PDE12: variants seen among roughly 807,000 people sequenced by gnomAD.
PDE12 encodes the protein phosphodiesterase 12.
PDE12 carries 26 observed loss-of-function variants against 45.4 expected under a neutral mutation model. That is an observed-to-expected ratio of 0.57 (90% CI 0.42 to 0.79). PDE12 has a LOEUF of 0.79. Among genes scored for constraint, PDE12 ranks in the 30% least tolerant of loss-of-function variants. The pLI is 0.00. For synonymous variants in PDE12, 283 were observed against 323.9 expected (o/e 0.87, Z 1.36); for missense variants, 668 against 790.0 (o/e 0.85, Z 1.85).
the PDE12 span, chr3:57,597,376 T>G: frequency 8.2e-5 from 33 of 404,022 alleles, no homozygotes; most frequent in Non-Finnish European, 1.4e-4. Context: ...GCCTTTAGGC[T>G]CTGGCTGTGC....
the PDE12 span, among the ~76,000 whole-genome samples, chr3:57,606,004 T>C: frequency 1.3e-5 from 2 of 152,194 alleles, no homozygotes; most frequent in East Asian, 3.9e-4. Flanking sequence ...TGAAATAGCC[T>C]CAAGTAGCCT....
chr3:57,643,018 AAAAAG>A, the PDE12 span, among the ~76,000 whole-genome samples: 31 of 149,430 alleles, frequency 2.1e-4, no homozygotes, highest in African/African-American at 3.7e-4. Flanking sequence ...AAAAAAAAAA[AAAAAG>A]AAAGATCACT....
the PDE12 span, among the ~76,000 whole-genome samples, chr3:57,574,169 G>A: frequency 6.7e-6 from 1 of 150,032 alleles, no homozygotes; most frequent in African/African-American, 2.5e-5. Context: ...TTGAATTCCT[G>A]ACCTCATGAT....
At chr3:57,606,033 G>A in the PDE12 span, among the ~76,000 whole-genome samples, 1 of 152,146 alleles carries the variant, frequency 6.6e-6, no homozygotes. Context: ...GGTAACTGAA[G>A]TCCCTAAAAG....
chr3:57,597,304 C>A, the PDE12 span: 2 of 640,240 alleles, frequency 3.1e-6, no homozygotes, highest in South Asian at 1.9e-5. Context: ...CGATGAAGAT[C>A]CGGCACAGGA....
At chr3:57,651,699 A>G in the PDE12 span, among the ~76,000 whole-genome samples, 1 of 152,196 alleles carries the variant, frequency 6.6e-6, no homozygotes, top group Non-Finnish European at 1.5e-5. Flanking sequence ...CAAAAAAAAA[A>G]AAGATAAACC....
the PDE12 span, among the ~76,000 whole-genome samples, chr3:57,624,608 A>G: frequency 6.6e-6 from 1 of 151,712 alleles, no homozygotes; most frequent in African/African-American, 2.4e-5. Flanking sequence ...TACTAAAAAT[A>G]CAAAAATTAG....
chr3:57,558,263 C>T (rs1460530245), intron 1 of PDE12, among the ~76,000 whole-genome samples: 1 of 152,100 alleles, frequency 6.6e-6, no homozygotes, highest in Non-Finnish European at 1.5e-5. Context: ...TTAATTGACT[C>T]CACACAACAG....
the PDE12 span, chr3:57,627,333 G>A: frequency 2.0e-5 from 3 of 151,972 alleles, no homozygotes; most frequent in South Asian, 4.2e-4. Flanking sequence ...TACTAGAGAC[G>A]GGGTTTCACC....
chr3:57,631,359 G>C, the PDE12 span, among the ~76,000 whole-genome samples: 1 of 152,042 alleles, frequency 6.6e-6, no homozygotes, highest in East Asian at 1.9e-4. Context: ...ACCACGCCTG[G>C]CTAATTTTGT....
the PDE12 span, chr3:57,575,710 C>T: frequency 9.6e-6 from 15 of 1,564,868 alleles, no homozygotes; most frequent in African/African-American, 2.8e-5. Flanking sequence ...AACTACCAAC[C>T]GGAATCCAAT....
the PDE12 span, among the ~76,000 whole-genome samples, chr3:57,573,213 AAAG>A: frequency 1.4e-4 from 21 of 151,552 alleles, no homozygotes; most frequent in East Asian, 2.5e-3. Flanking sequence ...AAAAAAAAAA[AAAG>A]AAAGAAAGAA....
chr3:57,646,265 T>A, the PDE12 span: 2 of 1,579,972 alleles, frequency 1.3e-6, no homozygotes, highest in Non-Finnish European at 8.6e-7. Flanking sequence ...ACAGGTTAAG[T>A]ACTGCAGCAT....
At chr3:57,616,168 C>T in the PDE12 span, among the ~76,000 whole-genome samples, 12 of 151,752 alleles carry the variant, frequency 7.9e-5, no homozygotes, top group African/African-American at 2.7e-4. Context: ...ACAAAAAATG[C>T]AAAAAATTAG....
At chr3:57,594,712 C>G in the PDE12 span, among the ~76,000 whole-genome samples, 1 of 152,148 alleles carries the variant, frequency 6.6e-6, no homozygotes, top group Non-Finnish European at 1.5e-5. Context: ...CTCAGGAGGG[C>G]ATGAATCTTA....
the PDE12 span, chr3:57,628,958 G>C: frequency 7.4e-7 from 1 of 1,352,018 alleles, no homozygotes; most frequent in Non-Finnish European, 1.0e-6. Context: ...AATAGGTAAG[G>C]CTACTGTGAA....
chr3:57,628,378 A>G, the PDE12 span: 1 of 1,604,904 alleles, frequency 6.2e-7, no homozygotes, highest in Non-Finnish European at 8.5e-7. Context: ...CATTTAAATT[A>G]TCCTCAGAAT....
At chr3:57,579,004 G>A in the PDE12 span, among the ~76,000 whole-genome samples, 1 of 152,016 alleles carries the variant, frequency 6.6e-6, no homozygotes, top group East Asian at 1.9e-4. Flanking sequence ...ACTGATTTAT[G>A]TAAGTAACGA....
the PDE12 span, among the ~76,000 whole-genome samples, chr3:57,574,194 C>A: frequency 6.6e-6 from 1 of 152,130 alleles, no homozygotes. Context: ...CCACCTCAGC[C>A]TCCTAAAGTG....
Sources: allele counts gnomAD v4.1 joint callset (sites outside exome capture counted in the v4.1 genomes callset), GRCh38; gene constraint gnomAD v4.1.1; transcripts MANE v1.5; gene names NCBI Gene and HGNC (gene_info 2026-07-23, HGNC 2026-07-21).